MARCHF1: variants seen among roughly 807,000 people sequenced by gnomAD.
MARCHF1 encodes membrane associated ring-CH-type finger 1.
A neutral mutation model predicts 54.2 loss-of-function variants in MARCHF1; 40 were observed. That is an observed-to-expected ratio of 0.74 (90% confidence interval 0.57 to 0.96). The LOEUF (loss-of-function observed/expected upper bound fraction) is 0.96. Ranked by LOEUF, MARCHF1 falls within the 40% of genes least tolerant of loss-of-function variation. The probability of loss-of-function intolerance (pLI) is 0.00; values close to 1 mark genes in which losing one functional copy is unlikely to be tolerated. For synonymous variants in MARCHF1, 236 were observed against 236.3 expected (o/e 1.00, Z 0.01); for missense variants, 586 against 656.5 (o/e 0.89, Z 1.17).
chr4:164,345,358 G>A (rs1730058670), intron 1 of MARCHF1, among the ~76,000 whole-genome samples: 1 of 152,048 alleles, frequency 6.6e-6, no homozygotes, highest in African/African-American at 2.4e-5. Flanking sequence ...CTTGAGTCCA[G>A]CAGTTCAAGA....
intron 8 of MARCHF1, among the ~76,000 whole-genome samples, chr4:163,565,386 A>C (rs1313131987): frequency 6.6e-6 from 1 of 152,208 alleles, no homozygotes; most frequent in East Asian, 1.9e-4. Flanking sequence ...AACAGTGGAA[A>C]TGGTTTTCTA....
chr4:164,348,039 A>C (rs1037073669), intron 1 of MARCHF1, among the ~76,000 whole-genome samples: 1 of 152,196 alleles, frequency 6.6e-6, no homozygotes, highest in Admixed American at 6.5e-5. Flanking sequence ...AATGATAAGC[A>C]TAAATTAAAT....
intron 5 of MARCHF1, among the ~76,000 whole-genome samples, chr4:163,645,770 T>G (rs969535225): frequency 3.3e-5 from 5 of 152,140 alleles, no homozygotes; most frequent in African/African-American, 1.2e-4. Flanking sequence ...AGACAGATCA[T>G]TTGAAATTTG....
intron 1 of MARCHF1, among the ~76,000 whole-genome samples, chr4:164,355,758 G>A (rs1730505789): frequency 9.7e-6 from 1 of 103,198 alleles, no homozygotes; most frequent in African/African-American, 3.2e-5. Flanking sequence ...AGCCAAAATT[G>A]ACAAATGGGA....
chr4:163,790,298 C>A (rs188226629), intron 4 of MARCHF1, among the ~76,000 whole-genome samples: 1 of 152,166 alleles, frequency 6.6e-6, no homozygotes, highest in African/African-American at 2.4e-5. Flanking sequence ...TTTACGAAAT[C>A]AAATGTCCTT....
At chr4:163,644,971 G>C (rs1742698164) in intron 5 of MARCHF1, among the ~76,000 whole-genome samples, 1 of 152,236 alleles carries the variant, frequency 6.6e-6, no homozygotes, top group Non-Finnish European at 1.5e-5. Flanking sequence ...CTCAGCTGTA[G>C]ACCCTGAAGC....
At chr4:164,130,032 T>C (rs1328598394) in intron 1 of MARCHF1, 1 of 152,192 alleles carries the variant, frequency 6.6e-6, no homozygotes, top group Non-Finnish European at 1.5e-5. Flanking sequence ...CAAGAATATC[T>C]GTAATTTATG....
intron 3 of MARCHF1, among the ~76,000 whole-genome samples, chr4:163,927,809 C>T (rs1026681470): frequency 6.6e-6 from 1 of 151,668 alleles, no homozygotes; most frequent in African/African-American, 2.4e-5. Context: ...TGTGATCAAG[C>T]CTAATTTTAA....
intron 3 of MARCHF1, among the ~76,000 whole-genome samples, chr4:163,861,824 T>C (rs1241459300): frequency 6.6e-6 from 1 of 151,516 alleles, no homozygotes; most frequent in Admixed American, 6.6e-5. Flanking sequence ...GTTCCAAAAT[T>C]TACTATAAAG....
At chr4:164,358,621 A>G (rs1257259507) in intron 1 of MARCHF1, among the ~76,000 whole-genome samples, 1 of 152,200 alleles carries the variant, frequency 6.6e-6, no homozygotes, top group African/African-American at 2.4e-5. Context: ...GGTAGTTGGT[A>G]GACCTGGTTC....
intron 1 of MARCHF1, among the ~76,000 whole-genome samples, chr4:164,129,046 T>C (rs1756246119): frequency 6.6e-6 from 1 of 152,194 alleles, no homozygotes; most frequent in Non-Finnish European, 1.5e-5. Flanking sequence ...CTGAATCAGA[T>C]TGCTTATGAA....
chr4:164,143,493 C>T (rs1224656341), intron 1 of MARCHF1, among the ~76,000 whole-genome samples: 1 of 150,844 alleles, frequency 6.6e-6, no homozygotes, highest in Non-Finnish European at 1.5e-5. Flanking sequence ...ACTCTACAAG[C>T]CAGAAGAGAG....
At chr4:163,852,808 T>A (rs553390947) in intron 4 of MARCHF1, among the ~76,000 whole-genome samples, 1 of 152,330 alleles carries the variant, frequency 6.6e-6, no homozygotes, top group South Asian at 2.1e-4. Context: ...AAGGTCTGAA[T>A]ATTTGTATCC....
chr4:164,027,437 A>G (rs1284440242), intron 2 of MARCHF1, among the ~76,000 whole-genome samples: 1 of 150,474 alleles, frequency 6.6e-6, no homozygotes, highest in African/African-American at 2.4e-5. Flanking sequence ...GAAAACCCAG[A>G]AATAATCCTG....
At chr4:163,881,555 T>G (rs765724899) in intron 3 of MARCHF1, among the ~76,000 whole-genome samples, 41 of 152,288 alleles carry the variant, frequency 2.7e-4, no homozygotes, top group Middle Eastern at 6.8e-3. Context: ...GGAGGAGAAG[T>G]AATTATGACA....
chr4:163,699,647 T>C (rs1314703332), intron 5 of MARCHF1, among the ~76,000 whole-genome samples: 1 of 152,200 alleles, frequency 6.6e-6, no homozygotes, highest in East Asian at 1.9e-4. Flanking sequence ...ATTACTAATA[T>C]AAAGTTAATT....
chr4:164,359,704 C>A (rs1730667966), intron 1 of MARCHF1, among the ~76,000 whole-genome samples: 1 of 152,150 alleles, frequency 6.6e-6, no homozygotes, highest in Admixed American at 6.6e-5. Context: ...AAGTTCTCTG[C>A]TGTAACAATG....
At chr4:163,826,435 A>T (rs890970509) in intron 4 of MARCHF1, among the ~76,000 whole-genome samples, 1 of 152,084 alleles carries the variant, frequency 6.6e-6, no homozygotes, top group Non-Finnish European at 1.5e-5. Flanking sequence ...TACTTTGGAT[A>T]AAGTGACTTA....
intron 8 of MARCHF1, among the ~76,000 whole-genome samples, chr4:163,572,984 T>C (rs1739891191): frequency 6.6e-6 from 1 of 152,088 alleles, no homozygotes; most frequent in Non-Finnish European, 1.5e-5. Context: ...TGTGTTCATG[T>C]GGGAAACAAC....
Sources: allele counts gnomAD v4.1 joint callset (sites outside exome capture counted in the v4.1 genomes callset), GRCh38; gene constraint gnomAD v4.1.1; transcripts MANE v1.5; gene names NCBI Gene and HGNC (gene_info 2026-07-23, HGNC 2026-07-21).